SLC35F3: variants seen among roughly 807,000 people sequenced by gnomAD.
The protein encoded by SLC35F3 is putative thiamine transporter SLC35F3.
In SLC35F3, 25 loss-of-function variants were observed where a neutral mutation model predicts 49.9. The ratio of observed to expected loss-of-function variants is 0.50; its 90% confidence interval spans 0.37 to 0.70. The LOEUF (loss-of-function observed/expected upper bound fraction) is 0.70. Among genes scored for constraint, SLC35F3 ranks in the 30% least tolerant of loss-of-function variants. The pLI is 0.00. For synonymous variants in SLC35F3, 275 were observed against 265.4 expected (o/e 1.04, Z -0.35); for missense variants, 525 against 639.8 (o/e 0.82, Z 1.94).
At chr1:234,219,054 T>TGAAA (rs1667163547) in intron 2 of SLC35F3, among the ~76,000 whole-genome samples, 1 of 23,416 alleles carries the variant, frequency 4.3e-5, no homozygotes, top group African/African-American at 1.2e-3. Flanking sequence ...AGACTCCATC[T>TGAAA]CAAAAAAAAA....
intron 2 of SLC35F3, among the ~76,000 whole-genome samples, chr1:234,086,345 C>G (rs1037821281): frequency 1.3e-5 from 2 of 152,176 alleles, no homozygotes; most frequent in African/African-American, 4.8e-5. Flanking sequence ...CTATGAAGGG[C>G]TATGAGTGAC....
At chr1:234,136,252 C>A (rs1278097678) in intron 2 of SLC35F3, among the ~76,000 whole-genome samples, 1 of 145,880 alleles carries the variant, frequency 6.9e-6, no homozygotes, top group Non-Finnish European at 1.5e-5. Flanking sequence ...CTTTCTCTTT[C>A]TTTTTCTGTC....
intron 3 of SLC35F3, among the ~76,000 whole-genome samples, chr1:234,246,026 C>T (rs991760276): frequency 1.3e-5 from 2 of 152,100 alleles, no homozygotes; most frequent in Non-Finnish European, 2.9e-5. Flanking sequence ...AAGATCATCT[C>T]GGGGAAGAGT....
At chr1:233,982,927 C>A (rs1663208932) in intron 2 of SLC35F3, among the ~76,000 whole-genome samples, 1 of 152,166 alleles carries the variant, frequency 6.6e-6, no homozygotes, top group South Asian at 2.1e-4. Flanking sequence ...CTTGCCTAAC[C>A]AGGGGAGTTG....
At chr1:233,935,036 A>G (rs1380918791) in intron 2 of SLC35F3, among the ~76,000 whole-genome samples, 1 of 151,500 alleles carries the variant, frequency 6.6e-6, no homozygotes. Context: ...TGAAATTCCC[A>G]TATGTTATGT....
At chr1:233,917,001 C>T (rs557717013) in intron 2 of SLC35F3, among the ~76,000 whole-genome samples, 4 of 152,262 alleles carry the variant, frequency 2.6e-5, no homozygotes, top group South Asian at 2.1e-4. Flanking sequence ...AAATAATCCA[C>T]GATCTCTAAA....
chr1:234,152,227 GTTATTATTATTA>G (rs61307533), intron 2 of SLC35F3, among the ~76,000 whole-genome samples: 1 of 144,576 alleles, frequency 6.9e-6, no homozygotes, highest in Non-Finnish European at 1.5e-5. Flanking sequence ...TATTATTATT[GTTATTATTATTA>G]TTATTATTAT....
chr1:233,917,732 G>A (rs1661995302), intron 2 of SLC35F3, among the ~76,000 whole-genome samples: 1 of 152,168 alleles, frequency 6.6e-6, no homozygotes, highest in East Asian at 1.9e-4. Context: ...AAATTCCCAA[G>A]TTCATAGAAA....
chr1:234,244,618 CTT>C (rs57728116), intron 3 of SLC35F3, among the ~76,000 whole-genome samples: 5 of 144,162 alleles, frequency 3.5e-5, no homozygotes, highest in East Asian at 2.0e-4. Flanking sequence ...TTGATTATCA[CTT>C]TTTTTTTTTT....
intron 2 of SLC35F3, among the ~76,000 whole-genome samples, chr1:234,199,013 G>A (rs941813757): frequency 2.8e-4 from 42 of 149,126 alleles, no homozygotes; most frequent in Admixed American, 1.3e-3. Flanking sequence ...GATTCCAGGA[G>A]TTCAAGCCTA....
chr1:234,306,498 C>T (rs1170883385), intron 3 of SLC35F3: 1 of 153,144 alleles, frequency 6.5e-6, no homozygotes, highest in Non-Finnish European at 1.5e-5. Context: ...GCGCTAATCT[C>T]TTAGCACTGA....
In SLC35F3 at chr1:234,087,532, G is replaced by A. The variant is rs143318636; in HGVS notation, c.284-143885G>A. Among the ~76,000 whole-genome samples the A allele has an allele frequency of 4.5e-3, 691 of 152,308 alleles. 4 individuals carry two copies. The highest frequency in any genetic ancestry group is 0.015 in the African/African-American group (617 of 41,564). On this transcript the variant is annotated intron_variant, in intron 2 of 7. Transcript: ENST00000366618. ...TTCAACATCACCCAACCAAGCTAGT[G>A]AACAAGCCAGGCCTGGGACCAAGGA...
intron 3 of SLC35F3, among the ~76,000 whole-genome samples, chr1:234,248,449 CCATTGTTTGATGGGTCAGTTGGCTGGTG>C (rs1667681707): frequency 6.6e-6 from 1 of 151,440 alleles, no homozygotes; most frequent in African/African-American, 2.4e-5. Flanking sequence ...GTTGGCTGGT[CCATTGTTTGATGGGTCAGTTGGCTGGTG>C]CATTGTTTGG....
chr1:234,008,933 C>T, intron 2 of SLC35F3, among the ~76,000 whole-genome samples: 1 of 152,256 alleles, frequency 6.6e-6, no homozygotes, highest in South Asian at 2.1e-4. Flanking sequence ...CTGGTGTTCC[C>T]TTTTCCTTTT....
chr1:234,070,985 G>A (rs548853473), intron 2 of SLC35F3, among the ~76,000 whole-genome samples: 5 of 152,312 alleles, frequency 3.3e-5, no homozygotes, highest in African/African-American at 9.6e-5. Flanking sequence ...GAGCAATCCC[G>A]TCTCACCTGA....
intron 2 of SLC35F3, among the ~76,000 whole-genome samples, chr1:233,995,602 A>G (rs920332157): frequency 1.3e-5 from 2 of 152,176 alleles, no homozygotes; most frequent in African/African-American, 4.8e-5. Flanking sequence ...TTGCTTCTAC[A>G]TATTTTCTGA....
At chr1:234,022,011 T>A (rs1663903276) in intron 2 of SLC35F3, among the ~76,000 whole-genome samples, 1 of 152,196 alleles carries the variant, frequency 6.6e-6, no homozygotes, top group Non-Finnish European at 1.5e-5. Flanking sequence ...GCTTGGGCAT[T>A]TCTGAAAAGC....
rs143943175 is a variant in SLC35F3, at chr1:234,246,596, C to G, written c.608+14855C>G. 6.3e-3 allele frequency among the ~76,000 whole-genome samples: 954 copies of G among 152,320 alleles called. 8 individuals carry two copies. Among genetic ancestry groups the G allele is most frequent in the African/African-American group, 0.022 (899 of 41,566 alleles). On this transcript the variant is annotated intron_variant, in intron 3 of 7. Transcript: ENST00000366618. ...CCTTTTTCCATACTGATGTTTTCCC[C>G]TTCTGAATAGGTGAAGTATTTTTAT...
At chr1:234,295,446 C>A (rs750651406) in intron 3 of SLC35F3, among the ~76,000 whole-genome samples, 1 of 152,138 alleles carries the variant, frequency 6.6e-6, no homozygotes, top group African/African-American at 2.4e-5. Context: ...ATGCAAAGAG[C>A]ACATTGGTCA....
Sources: allele counts gnomAD v4.1 joint callset (sites outside exome capture counted in the v4.1 genomes callset), GRCh38; gene constraint gnomAD v4.1.1; transcripts MANE v1.5; gene names NCBI Gene and HGNC (gene_info 2026-07-23, HGNC 2026-07-21).